Variants in ATE1 observed in about 807,000 individuals in gnomAD.
ATE1 encodes the protein arginyltransferase 1.
ATE1 carries 36 observed loss-of-function variants against 70.5 expected under a neutral mutation model. The ratio of observed to expected loss-of-function variants is 0.51; its 90% CI spans 0.39 to 0.67. The LOEUF is 0.67. Among genes scored for constraint, ATE1 ranks in the 30% least tolerant of loss-of-function variants. The probability of loss-of-function intolerance (pLI) is 0.00; values close to 1 mark genes in which losing one functional copy is unlikely to be tolerated. For synonymous variants in ATE1, 232 were observed against 219.3 expected, an observed-to-expected ratio of 1.06 and a Z score of -0.51; for missense variants, 593 against 629.5, an observed-to-expected ratio of 0.94 and a Z score of 0.62.
chr10:121,754,362 A>G (rs1228504651), intron 11 of ATE1, among the ~76,000 whole-genome samples: 1 of 152,254 alleles, frequency 6.6e-6, no homozygotes, highest in Non-Finnish European at 1.5e-5. Context: ...ATTTTGTGCC[A>G]GAAAGGAAGT....
chr10:121,860,981 C>T (rs910364943), intron 8 of ATE1, among the ~76,000 whole-genome samples: 1 of 152,220 alleles, frequency 6.6e-6, no homozygotes, highest in African/African-American at 2.4e-5. Flanking sequence ...ACAACCCAGA[C>T]TGAGAACTCA....
At chr10:121,857,348 A>G (rs1949284646) in intron 8 of ATE1, among the ~76,000 whole-genome samples, 1 of 152,150 alleles carries the variant, frequency 6.6e-6, no homozygotes, top group Non-Finnish European at 1.5e-5. Context: ...CTCTCACTTA[A>G]AAGCAAGAAC....
intron 10 of ATE1, among the ~76,000 whole-genome samples, chr10:121,801,024 T>C (rs370981861): frequency 6.6e-6 from 1 of 152,206 alleles, no homozygotes; most frequent in African/African-American, 2.4e-5. Flanking sequence ...CTAGCTGCTC[T>C]GTTTTCAAAA....
At chr10:121,864,032 A>C (rs1949572256) in intron 8 of ATE1, among the ~76,000 whole-genome samples, 2 of 152,180 alleles carry the variant, frequency 1.3e-5, no homozygotes, top group African/African-American at 2.4e-5. Context: ...TCTGACTTTT[A>C]ATTGGAATGT....
intron 11 of ATE1, among the ~76,000 whole-genome samples, chr10:121,780,241 C>T (rs1275149614): frequency 6.6e-6 from 1 of 152,228 alleles, no homozygotes; most frequent in African/African-American, 2.4e-5. Flanking sequence ...ACCTGCTCCA[C>T]CTCCTGTTTC....
chr10:121,870,637 T>C lies in ATE1; in HGVS notation c.943-599A>G, dbSNP rs1590576792. 2.6e-5 allele frequency among the ~76,000 whole-genome samples: 4 copies of C among 152,282 alleles called. No homozygotes were observed. The South Asian group carries it at 8.3e-4, about 32-fold the overall frequency. On this transcript the variant is annotated intron_variant, in intron 7 of 11. Coordinates refer to ENST00000224652, the MANE Select transcript of ATE1 (RefSeq NM_001001976.3). ...TTTCCTTCCTTCCTTCTCTCTCCCTTTCTCCCTTCTCTCTCACCTTTCTCT... is the reference window on the plus strand; with the variant it reads ...TTTCCTTCCTTCCTTCTCTCTCCCTCTCTCCCTTCTCTCTCACCTTTCTCT...
chr10:121,852,620 A>G (rs1192165587), intron 8 of ATE1, among the ~76,000 whole-genome samples: 1 of 152,064 alleles, frequency 6.6e-6, no homozygotes, highest in Non-Finnish European at 1.5e-5. Context: ...CTGAGGCAGG[A>G]AAATCACTTG....
chr10:121,848,842 C>T lies in ATE1; in HGVS notation c.976-7579G>A, dbSNP rs539388947. 6.6e-5 allele frequency among the ~76,000 whole-genome samples: 10 copies of T among 151,822 alleles called. No homozygotes were observed. In the East Asian group the frequency reaches 1.6e-3, roughly 24 times the overall value. On this transcript the variant is annotated intron_variant, in intron 8 of 11. Coordinates refer to ENST00000224652, the MANE Select transcript of ATE1 (RefSeq NM_001001976.3). ...AGAAGAACTGCTTAAACCCAGGAGA[C>T]GGTGGTCGCAGTGAACCAGGATCAC... is the stretch of plus-strand genomic sequence containing the variant.
intron 10 of ATE1, among the ~76,000 whole-genome samples, chr10:121,829,077 C>T (rs897115558): frequency 1.3e-5 from 2 of 152,142 alleles, no homozygotes; most frequent in African/African-American, 4.8e-5. Flanking sequence ...AATGTATTCC[C>T]AGTGTCTAGC....
At chr10:121,801,097 A>G (rs1249761987) in intron 10 of ATE1, among the ~76,000 whole-genome samples, 1 of 152,208 alleles carries the variant, frequency 6.6e-6, no homozygotes, top group Non-Finnish European at 1.5e-5. Flanking sequence ...AAGACAAAGG[A>G]CCTAAACATC....
intron 10 of ATE1, among the ~76,000 whole-genome samples, chr10:121,796,072 T>C (rs1212532522): frequency 6.6e-6 from 1 of 152,170 alleles, no homozygotes; most frequent in Non-Finnish European, 1.5e-5. Flanking sequence ...ATTTTGAAAA[T>C]GTAATTGGTC....
chr10:121,786,027 C>A (rs1946190911), intron 11 of ATE1, among the ~76,000 whole-genome samples: 1 of 151,790 alleles, frequency 6.6e-6, no homozygotes, highest in Non-Finnish European at 1.5e-5. Flanking sequence ...AAGTATAGAG[C>A]AGTATTTGAA....
chr10:121,887,535 C>T (rs1234638462), intron 7 of ATE1, among the ~76,000 whole-genome samples: 2 of 38,584 alleles, frequency 5.2e-5, no homozygotes, highest in Non-Finnish European at 1.2e-4. Flanking sequence ...AAGACGCCCC[C>T]CTACAAAAAA....
At chr10:121,902,035 TTG>T (rs1358424919) in intron 6 of ATE1, among the ~76,000 whole-genome samples, 12 of 152,218 alleles carry the variant, frequency 7.9e-5, no homozygotes, top group Non-Finnish European at 1.6e-4. Flanking sequence ...GTGTAATCTA[TTG>T]TCTTTCACTA....
chr10:121,874,295 G>C (rs1038915550), intron 7 of ATE1, among the ~76,000 whole-genome samples: 4 of 152,036 alleles, frequency 2.6e-5, no homozygotes, highest in Non-Finnish European at 5.9e-5. Context: ...ATAAATAACT[G>C]GTAGTTCTAA....
chr10:121,859,516 A>G (rs1415867078), intron 8 of ATE1, among the ~76,000 whole-genome samples: 1 of 151,958 alleles, frequency 6.6e-6, no homozygotes, highest in Non-Finnish European at 1.5e-5. Context: ...TCGGCCTCCC[A>G]AAGTGCTGGG....
Position 121,899,914 on chromosome 10 carries a change from G to C in ATE1, c.894C>G (p.Tyr298Ter), listed in dbSNP as rs1564942559. Residue 298 changes from tyrosine to a stop codon, truncating the protein, a stop_gained, in exon 7 of 12, where the codon TAC becomes TAG. Transcript: ENST00000224652. LOFTEE classifies it high-confidence loss of function. The stretch of plus-strand genomic sequence containing the variant: ...GTGGGTTCTTGTGAATAACCATCTG[G>C]TAACGTTTATAGACCTGGTAAGACT... ...LLESYQVYKR[Y>*]QMVIHKNPPD... is the part of the protein sequence containing the mutation. The C allele has an allele frequency of 1.9e-6, 3 of 1,613,714 alleles. No homozygotes were observed. The highest frequency in any genetic ancestry group is 8.5e-7 in the Non-Finnish European group (1 of 1,179,714).
intron 11 of ATE1, among the ~76,000 whole-genome samples, chr10:121,763,870 C>T (rs1278999133): frequency 7.9e-5 from 12 of 152,136 alleles, no homozygotes; most frequent in East Asian, 5.8e-4. Context: ...AAAAATTAGC[C>T]GAGCACTGTG....
intron 11 of ATE1, among the ~76,000 whole-genome samples, chr10:121,764,357 C>T (rs918039843): frequency 3.3e-5 from 5 of 152,026 alleles, no homozygotes; most frequent in Admixed American, 1.3e-4. Context: ...TTTACAAAGG[C>T]TGGGCACAGT....
Sources: allele counts gnomAD v4.1 joint callset (sites outside exome capture counted in the v4.1 genomes callset), GRCh38; gene constraint gnomAD v4.1.1; transcripts MANE v1.5; gene names NCBI Gene and HGNC (gene_info 2026-07-23, HGNC 2026-07-21).